Variants in TPRG1 observed in about 807,000 individuals in gnomAD.
TPRG1 encodes tumor protein p63 regulated 1, also known as tumor protein p63-regulated gene 1 protein.
Under a neutral mutation model 29.3 loss-of-function variants are expected in TPRG1, and 29 were observed. That is an observed-to-expected ratio of 0.99 (90% CI 0.74 to 1.35). The LOEUF is 1.35. Ranked by LOEUF, TPRG1 falls within the 40% of genes most tolerant of loss-of-function variation. TPRG1 has a pLI of 0.00. For missense variants in TPRG1, 327 were observed against 335.0 expected (o/e 0.98, Z 0.19); for synonymous variants, 130 against 116.8 (o/e 1.11, Z -0.73).
At position 189,109,149 on chromosome 3, in the gene TPRG1, C is replaced by T. The variant is rs527348860; in HGVS notation, c.-744+8945C>T. ...CCTCTGGGCTGTGTGGGAGACAGAG[C>T]AGAGAGAGAGGGAAGGAGAAGAGGA... is the stretch of plus-strand genomic sequence containing the variant. On this transcript the variant is annotated intron_variant, in intron 1 of 6. Coordinates refer to the TPRG1 transcript ENST00000412373. Among the ~76,000 whole-genome samples the T allele has an allele frequency of 5.3e-5, 8 of 151,814 alleles. No individual in the cohort carries two copies. The South Asian group carries it at 1.5e-3, about 28-fold the overall frequency.
intron 2 of TPRG1, among the ~76,000 whole-genome samples, chr3:189,214,203 C>A (rs1735691432): frequency 6.6e-6 from 1 of 152,114 alleles, no homozygotes; most frequent in Non-Finnish European, 1.5e-5. Flanking sequence ...TAAAAGCATT[C>A]AATAAAATGC....
intron 4 of TPRG1, among the ~76,000 whole-genome samples, chr3:189,269,435 G>A (rs970098910): frequency 6.6e-6 from 1 of 152,132 alleles, no homozygotes; most frequent in East Asian, 1.9e-4. Context: ...TCATAGAGGG[G>A]AGACCTTACT....
Position 189,320,579 on chromosome 3 carries a change from C to T in TPRG1, c.634-47C>T, listed in dbSNP as rs534054351. The T allele has an allele frequency of 3.9e-6, 6 of 1,523,584 alleles. No homozygotes were observed. The African/African-American group carries it at 4.2e-5, about 11-fold the overall frequency. 94.4% of individuals were successfully genotyped at this position (1,523,584 alleles called of 1,614,324 possible). ...GGCTGGGGAGATGAGTATCTCTCAA[C>T]TTAATCTACAGTAACTAACTTTGTG... On this transcript the variant is annotated intron_variant, in intron 5 of 5. Transcript: ENST00000345063.
At chr3:189,029,914 G>A (rs977350914) in intron 4 of TPRG1, among the ~76,000 whole-genome samples, 1 of 152,120 alleles carries the variant, frequency 6.6e-6, no homozygotes, top group Admixed American at 6.5e-5. Flanking sequence ...TCCTGAGGCC[G>A]CACCATAAGC....
intron 2 of TPRG1, among the ~76,000 whole-genome samples, chr3:189,001,272 C>G (rs1435368810): frequency 6.6e-6 from 1 of 152,138 alleles, no homozygotes; most frequent in Non-Finnish European, 1.5e-5. Context: ...AAAACAACAA[C>G]AACAACAACA....
chr3:189,187,683 G>A (rs887024664), intron 1 of TPRG1, among the ~76,000 whole-genome samples: 7 of 152,144 alleles, frequency 4.6e-5, no homozygotes, highest in African/African-American at 1.7e-4. Flanking sequence ...AACTGAGGCT[G>A]AGGGGTTTAA....
intron 3 of TPRG1, among the ~76,000 whole-genome samples, chr3:189,218,309 G>A (rs1423507650): frequency 6.6e-6 from 1 of 151,940 alleles, no homozygotes; most frequent in Non-Finnish European, 1.5e-5. Flanking sequence ...GTAGAGATAG[G>A]ATTTCACCCT....
chr3:189,308,569 C>T (rs17422990), intron 4 of TPRG1, among the ~76,000 whole-genome samples: 75,259 of 151,970 alleles, frequency 0.5, 19,124 homozygotes, highest in Middle Eastern at 0.56. Context: ...GCTGAACTTG[C>T]ATATTTGGAA....
intron 3 of TPRG1, among the ~76,000 whole-genome samples, chr3:189,021,562 C>A (rs543048533): frequency 2.7e-4 from 41 of 152,272 alleles, no homozygotes; most frequent in African/African-American, 8.4e-4. Flanking sequence ...TATTACCCCC[C>A]ACTCTCTTCT....
At chr3:189,296,860 C>A (rs1720015397) in intron 4 of TPRG1, among the ~76,000 whole-genome samples, 1 of 152,104 alleles carries the variant, frequency 6.6e-6, no homozygotes, top group African/African-American at 2.4e-5. Context: ...AGTCTGTTTC[C>A]TTGATAAAAA....
intron 3 of TPRG1, among the ~76,000 whole-genome samples, chr3:189,217,244 C>T (rs1318784513): frequency 6.6e-6 from 1 of 152,148 alleles, no homozygotes; most frequent in Non-Finnish European, 1.5e-5. Flanking sequence ...CAGTAGTTTT[C>T]AGAAAAGTAT....
At chr3:189,085,850 T>C (rs1717900955) in intron 4 of TPRG1, among the ~76,000 whole-genome samples, 1 of 152,222 alleles carries the variant, frequency 6.6e-6, no homozygotes, top group African/African-American at 2.4e-5. Context: ...TCATTCATTT[T>C]GCTTTCAATA....
chr3:189,213,172 A>C (rs1735533307), intron 2 of TPRG1, among the ~76,000 whole-genome samples: 2 of 141,198 alleles, frequency 1.4e-5, no homozygotes, highest in Non-Finnish European at 3.0e-5. Context: ...TTTATTAATC[A>C]GTATTTACCA....
chr3:189,104,216 AATT>A (rs1719543720), intron 1 of TPRG1, among the ~76,000 whole-genome samples: 1 of 152,190 alleles, frequency 6.6e-6, no homozygotes, highest in Non-Finnish European at 1.5e-5. Context: ...TAAAGAAAGA[AATT>A]AACCTCTTTG....
intron 4 of TPRG1, among the ~76,000 whole-genome samples, chr3:189,071,583 C>T (rs1560426602): frequency 6.6e-6 from 1 of 152,106 alleles, no homozygotes; most frequent in African/African-American, 2.4e-5. Flanking sequence ...CACACAGGTA[C>T]AGAAAAAGTC....
intron 1 of TPRG1, among the ~76,000 whole-genome samples, chr3:189,124,427 A>G (rs1199644820): frequency 1.3e-5 from 2 of 152,214 alleles, no homozygotes; most frequent in Non-Finnish European, 2.9e-5. Flanking sequence ...AGTGAAAGAC[A>G]TAGATTAACA....
At chr3:189,249,474 A>T (rs954297987) in intron 4 of TPRG1, among the ~76,000 whole-genome samples, 6 of 151,932 alleles carry the variant, frequency 3.9e-5, no homozygotes, top group Admixed American at 2.6e-4. Flanking sequence ...ACTTGCATAC[A>T]TCCTATAATT....
At chr3:189,059,136 A>G (rs1715924438) in intron 4 of TPRG1, among the ~76,000 whole-genome samples, 2 of 152,320 alleles carry the variant, frequency 1.3e-5, no homozygotes, top group South Asian at 4.1e-4. Flanking sequence ...TCTAAAATTT[A>G]AATAATAATA....
At chr3:189,194,233 T>C (rs904080869) in intron 1 of TPRG1, among the ~76,000 whole-genome samples, 1 of 152,164 alleles carries the variant, frequency 6.6e-6, no homozygotes, top group African/African-American at 2.4e-5. Context: ...TGTAGAAGCC[T>C]GTGGCCATGA....
Sources: allele counts gnomAD v4.1 joint callset (sites outside exome capture counted in the v4.1 genomes callset), GRCh38; gene constraint gnomAD v4.1.1; transcripts MANE v1.5; gene names NCBI Gene and HGNC (gene_info 2026-07-23, HGNC 2026-07-21).